HNF4G: variants seen among roughly 807,000 people sequenced by gnomAD.
HNF4G encodes the protein hepatocyte nuclear factor 4 gamma.
In HNF4G, 21 loss-of-function variants were observed where a neutral mutation model predicts 50.9. That is an observed-to-expected ratio of 0.41 (90% confidence interval 0.29 to 0.59). The LOEUF is 0.59. Ranked by LOEUF, HNF4G falls within the 20% of genes least tolerant of loss-of-function variation. The probability of loss-of-function intolerance (pLI) is 0.26; values close to 1 mark genes in which losing one functional copy is unlikely to be tolerated. For missense variants in HNF4G, 527 were observed against 559.4 expected, an observed-to-expected ratio of 0.94 and a Z score of 0.58; for synonymous variants, 198 against 185.6, an observed-to-expected ratio of 1.07 and a Z score of -0.54.
At chr8:75,412,757 T>C (rs542823961) in intron 1 of HNF4G, among the ~76,000 whole-genome samples, 8 of 152,172 alleles carry the variant, frequency 5.3e-5, no homozygotes, top group African/African-American at 1.9e-4. Flanking sequence ...GACATCATAG[T>C]TACAGGTTCC....
chr8:75,559,011 A>T lies in HNF4G; in HGVS notation c.1097A>T (p.Asn366Ile), dbSNP rs138897994. The T allele has an allele frequency of 6.2e-7, 1 of 1,602,572 alleles. No homozygotes were observed. Among genetic ancestry groups the T allele is most frequent in the Middle Eastern group, 1.7e-4 (1 of 6,042 alleles). Reference sequence around the variant, plus strand: ...CTTTTTGGGATGGTTAAAATTGACAATCTACTTCAGGAAATGCTATTAGGT... The same window carrying T: ...CTTTTTGGGATGGTTAAAATTGACATTCTACTTCAGGAAATGCTATTAGGT... Reference protein sequence around the residue: ...VKLFGMVKIDNLLQEMLLGGA... With the variant: ...VKLFGMVKIDILLQEMLLGGA... Residue 366 changes from asparagine (N) to isoleucine (I), a missense_variant, in exon 8 of 10, where the codon AAT (asparagine) becomes ATT (isoleucine). Physicochemically the swap from Asn to Ile is moderately radical, Grantham distance 149 (BLOSUM62 -3). Transcript: ENST00000396423.
intron 1 of HNF4G, among the ~76,000 whole-genome samples, chr8:75,443,806 A>C (rs959678331): frequency 6.6e-6 from 1 of 152,166 alleles, no homozygotes; most frequent in African/African-American, 2.4e-5. Context: ...TTTTATGTTT[A>C]TCATTTGACC....
At chr8:75,480,053 A>T (rs1812339442) in intron 1 of HNF4G, among the ~76,000 whole-genome samples, 1 of 152,166 alleles carries the variant, frequency 6.6e-6, no homozygotes, top group Non-Finnish European at 1.5e-5. Context: ...TCTGAGAACA[A>T]TATAATTCTT....
chr8:75,491,060 C>T (rs1167177476), intron 2 of HNF4G, among the ~76,000 whole-genome samples: 1 of 152,142 alleles, frequency 6.6e-6, no homozygotes, highest in Admixed American at 6.6e-5. Context: ...TTGGAAAGTA[C>T]AGGATTTTCA....
chr8:75,460,822 A>T (rs1811821596), intron 1 of HNF4G, among the ~76,000 whole-genome samples: 1 of 152,230 alleles, frequency 6.6e-6, no homozygotes, highest in Non-Finnish European at 1.5e-5. Flanking sequence ...TCATATTTCA[A>T]CTTGTAACTA....
intron 1 of HNF4G, among the ~76,000 whole-genome samples, chr8:75,445,503 A>G (rs1811403078): frequency 5.1e-5 from 1 of 19,448 alleles, no homozygotes; most frequent in Non-Finnish European, 9.9e-5. Context: ...TGGTTTTTTG[A>G]AAGGATCAAC....
chr8:75,425,292 G>A (rs1810867712), intron 1 of HNF4G, among the ~76,000 whole-genome samples: 1 of 151,374 alleles, frequency 6.6e-6, no homozygotes, highest in Non-Finnish European at 1.5e-5. Flanking sequence ...CCGTTTGAGC[G>A]AAGCTGATCT....
intron 2 of HNF4G, among the ~76,000 whole-genome samples, chr8:75,497,035 G>A (rs776722787): frequency 1.3e-5 from 2 of 151,234 alleles, no homozygotes; most frequent in Non-Finnish European, 2.9e-5. Context: ...AGTTGAGTAG[G>A]GGCTACAGCC....
At position 75,558,917 on chromosome 8, in the gene HNF4G, T is replaced by C; in HGVS notation, c.1003T>C (p.Leu335=). 1 of 1,613,728 alleles carries C rather than the reference T, an allele frequency of 6.2e-7. No individual in the cohort carries two copies. Among genetic ancestry groups the C allele is most frequent in the Non-Finnish European group, 8.5e-7 (1 of 1,179,876 alleles). ...TGACTCCCGGGGGAGGTTTGGAGAGTTGCTTCTGCTCCTGCCCACACTGCA... is the reference window on the plus strand; with the variant it reads ...TGACTCCCGGGGGAGGTTTGGAGAGCTGCTTCTGCTCCTGCCCACACTGCA... ...QYDSRGRFGE[L]LLLLPTLQSI... Residue 335 remains leucine, a synonymous_variant, in exon 8 of 10, where the codon TTG becomes CTG. Transcript: ENST00000396423.
At chr8:75,449,738 A>T (rs376647051) in intron 1 of HNF4G, among the ~76,000 whole-genome samples, 1 of 151,776 alleles carries the variant, frequency 6.6e-6, no homozygotes, top group East Asian at 1.9e-4. Context: ...CGATCTCCTG[A>T]CCTCGTGATC....
At chr8:75,531,879 A>G (rs1164945901) in intron 2 of HNF4G, among the ~76,000 whole-genome samples, 1 of 152,098 alleles carries the variant, frequency 6.6e-6, no homozygotes, top group Admixed American at 6.6e-5. Context: ...ATACTAAAAG[A>G]CAACTGTATT....
chr8:75,496,823 G>A (rs1051949759), intron 2 of HNF4G, among the ~76,000 whole-genome samples: 11 of 143,560 alleles, frequency 7.7e-5, no homozygotes, highest in Admixed American at 7.5e-4. Context: ...TATATATATG[G>A]CATTAAAATA....
chr8:75,429,933 C>T (rs1023317003), intron 1 of HNF4G, among the ~76,000 whole-genome samples: 2 of 152,016 alleles, frequency 1.3e-5, no homozygotes, highest in Non-Finnish European at 2.9e-5. Context: ...CAGCGGATCA[C>T]GAGATCAGGA....
chr8:75,413,442 T>C (rs1273852416), intron 1 of HNF4G, among the ~76,000 whole-genome samples: 1 of 151,982 alleles, frequency 6.6e-6, no homozygotes, highest in Non-Finnish European at 1.5e-5. Flanking sequence ...TTAAACTGAA[T>C]TGATCAATTA....
chr8:75,439,665 A>G (rs1222596959), intron 1 of HNF4G, among the ~76,000 whole-genome samples: 1 of 152,070 alleles, frequency 6.6e-6, no homozygotes, highest in Non-Finnish European at 1.5e-5. Context: ...ATGGTTTAAT[A>G]ATTGCAAAGA....
chr8:75,515,165 C>T lies in HNF4G; in HGVS notation c.-24+24957C>T, dbSNP rs543477614. Among the ~76,000 whole-genome samples, 3 of 152,268 alleles carry T rather than the reference C, an allele frequency of 2.0e-5. No individual in the cohort carries two copies. The East Asian group carries it at 5.8e-4, about 29-fold the overall frequency. On this transcript the variant is annotated intron_variant, in intron 2 of 10. Transcript: ENST00000354370. ...GCACCCAGAATTCAGAGCTGTAACA[C>T]CTGATTGATATTCTCAACTGTACAA...
intron 3 of HNF4G, among the ~76,000 whole-genome samples, chr8:75,548,756 A>G (rs1203023319): frequency 1.3e-5 from 2 of 152,206 alleles, no homozygotes; most frequent in African/African-American, 4.8e-5. Flanking sequence ...AAAATAATCA[A>G]ATGAAACCAC....
intron 2 of HNF4G, among the ~76,000 whole-genome samples, chr8:75,497,579 G>T (rs1302707209): frequency 6.6e-6 from 1 of 151,842 alleles, no homozygotes; most frequent in African/African-American, 2.4e-5. Context: ...AGCTACTCGG[G>T]AGGCTGAGGC....
intron 2 of HNF4G, among the ~76,000 whole-genome samples, chr8:75,532,396 TAG>T (rs1806352281): frequency 6.6e-6 from 1 of 152,128 alleles, no homozygotes; most frequent in Non-Finnish European, 1.5e-5. Context: ...GTAGTAGTTC[TAG>T]ATTAAGGGAA....
Sources: gnomAD v4.1 joint callset for allele counts (sites outside exome capture counted in the v4.1 genomes callset) on GRCh38, gnomAD v4.1.1 for gene constraint, MANE v1.5 for transcripts, NCBI Gene and HGNC (gene_info 2026-07-23, HGNC 2026-07-21) for gene names.